The following RBFOX1 variants were observed in gnomAD, a reference collection of about 807,000 sequenced individuals.
RBFOX1 encodes the protein RNA binding protein fox-1 homolog 1.
RBFOX1 carries 8 observed loss-of-function variants against 57.7 expected under a neutral mutation model. The ratio of observed to expected loss-of-function variants is 0.14; its 90% CI spans 0.08 to 0.25. The LOEUF (loss-of-function observed/expected upper bound fraction) is 0.25. RBFOX1 is among the 10% of genes least tolerant of loss of function. RBFOX1 has a pLI of 1.00. For missense variants in RBFOX1, 611 were observed against 548.5 expected (o/e 1.11, Z -1.14); for synonymous variants, 326 against 222.4 (o/e 1.47, Z -4.15).
chr16:5,437,842 G>T (rs1305964403), intron 1 of RBFOX1, among the ~76,000 whole-genome samples: 1 of 152,042 alleles, frequency 6.6e-6, no homozygotes, highest in Non-Finnish European at 1.5e-5. Flanking sequence ...TTAAAAATAT[G>T]AAAAGAACCA....
intron 2 of RBFOX1, among the ~76,000 whole-genome samples, chr16:5,496,766 C>A (rs2043015900): frequency 6.6e-6 from 1 of 152,176 alleles, no homozygotes; most frequent in East Asian, 1.9e-4. Flanking sequence ...TCAGCTGCTT[C>A]ATCCCTGTGT....
At chr16:5,866,643 G>A (rs924862708) in intron 3 of RBFOX1, among the ~76,000 whole-genome samples, 9 of 152,194 alleles carry the variant, frequency 5.9e-5, no homozygotes, top group South Asian at 4.1e-4. Flanking sequence ...GAACATCTAC[G>A]TGACTTTATG....
At chr16:7,458,357 G>A (rs2058933634) in intron 4 of RBFOX1, among the ~76,000 whole-genome samples, 2 of 152,124 alleles carry the variant, frequency 1.3e-5, no homozygotes, top group African/African-American at 2.4e-5. Flanking sequence ...GTGCCCAGAT[G>A]CTCACTTTCC....
chr16:6,258,253 A>C (rs1374106417), intron 1 of RBFOX1, among the ~76,000 whole-genome samples: 1 of 152,186 alleles, frequency 6.6e-6, no homozygotes, highest in Non-Finnish European at 1.5e-5. Context: ...GTGCTCTTGT[A>C]CATATTGCAT....
chr16:6,810,042 C>A (rs1052700514), intron 3 of RBFOX1, among the ~76,000 whole-genome samples: 1 of 102,674 alleles, frequency 9.7e-6, no homozygotes, highest in African/African-American at 3.7e-5. Context: ...TTTTTTTTTT[C>A]TGTTAATAAG....
intron 4 of RBFOX1, among the ~76,000 whole-genome samples, chr16:7,373,557 C>A (rs913765135): frequency 6.6e-6 from 1 of 152,114 alleles, no homozygotes; most frequent in Non-Finnish European, 1.5e-5. Context: ...AAAGAGAGTG[C>A]CCGGGCAAGC....
At chr16:7,107,337 T>C (rs1016007865) in intron 4 of RBFOX1, among the ~76,000 whole-genome samples, 1 of 152,112 alleles carries the variant, frequency 6.6e-6, no homozygotes, top group Non-Finnish European at 1.5e-5. Context: ...TCTCATCTAA[T>C]GCAGCATATT....
At chr16:5,755,999 T>C (rs1287877426) in intron 3 of RBFOX1, among the ~76,000 whole-genome samples, 1 of 152,026 alleles carries the variant, frequency 6.6e-6, no homozygotes, top group Non-Finnish European at 1.5e-5. Context: ...TCAGAGGTCA[T>C]GGTGAAAGTT....
At chr16:6,573,454 G>T (rs1039250732) in intron 2 of RBFOX1, among the ~76,000 whole-genome samples, 5 of 152,148 alleles carry the variant, frequency 3.3e-5, no homozygotes, top group African/African-American at 1.2e-4. Context: ...CATTCACTCA[G>T]ATCATAATCA....
intron 3 of RBFOX1, among the ~76,000 whole-genome samples, chr16:6,892,407 C>T (rs1043063952): frequency 6.6e-6 from 1 of 152,172 alleles, no homozygotes; most frequent in Non-Finnish European, 1.5e-5. Flanking sequence ...TGGTGGCTCA[C>T]ACCTATAATT....
intron 1 of RBFOX1, among the ~76,000 whole-genome samples, chr16:5,340,553 T>A (rs1435375761): frequency 6.6e-6 from 1 of 152,150 alleles, no homozygotes; most frequent in African/African-American, 2.4e-5. Flanking sequence ...AAAGAACACA[T>A]TCATGGAGCA....
chr16:5,752,261 G>T (rs2053235354), intron 3 of RBFOX1, among the ~76,000 whole-genome samples: 1 of 152,106 alleles, frequency 6.6e-6, no homozygotes, highest in African/African-American at 2.4e-5. Context: ...ATACACACTG[G>T]GACCTTTTAG....
intron 4 of RBFOX1, among the ~76,000 whole-genome samples, chr16:7,144,056 G>T (rs970190061): frequency 1.9e-4 from 29 of 152,116 alleles, no homozygotes; most frequent in Admixed American, 2.6e-4. Flanking sequence ...CTGAGTTTCG[G>T]GTTGATGTGT....
intron 1 of RBFOX1, among the ~76,000 whole-genome samples, chr16:5,425,087 A>G (rs1490350693): frequency 7.4e-6 from 1 of 135,038 alleles, no homozygotes; most frequent in African/African-American, 2.9e-5. Flanking sequence ...CTATCTATCT[A>G]TCTATCTATC....
intron 4 of RBFOX1, among the ~76,000 whole-genome samples, chr16:7,259,547 G>A (rs899762460): frequency 2.7e-5 from 4 of 150,754 alleles, no homozygotes; most frequent in South Asian, 2.1e-4. Context: ...GAGATAGTCA[G>A]TATAAATCTC....
At chr16:7,289,554 A>G (rs1568050758) in intron 4 of RBFOX1, among the ~76,000 whole-genome samples, 1 of 152,080 alleles carries the variant, frequency 6.6e-6, no homozygotes, top group Admixed American at 6.5e-5. Context: ...TCAATATGAT[A>G]ATGATGATCA....
At chr16:5,590,650 C>G (rs924706762) in intron 2 of RBFOX1, among the ~76,000 whole-genome samples, 1 of 152,170 alleles carries the variant, frequency 6.6e-6, no homozygotes, top group African/African-American at 2.4e-5. Context: ...ACTGAGGAAC[C>G]ATATGGGTGG....
chr16:6,807,211 G>A (rs1201354078), intron 3 of RBFOX1, among the ~76,000 whole-genome samples: 2 of 152,060 alleles, frequency 1.3e-5, no homozygotes, highest in African/African-American at 4.8e-5. Flanking sequence ...CCAGTTAGGA[G>A]TCTGTTCCAG....
chr16:6,954,293 C>T (rs2081327183), intron 3 of RBFOX1, among the ~76,000 whole-genome samples: 1 of 152,090 alleles, frequency 6.6e-6, no homozygotes, highest in African/African-American at 2.4e-5. Context: ...CCAATTTTGA[C>T]AGTGAGACTT....
Sources: allele counts gnomAD v4.1 joint callset (sites outside exome capture counted in the v4.1 genomes callset), GRCh38; gene constraint gnomAD v4.1.1; transcripts MANE v1.5; gene names NCBI Gene and HGNC (gene_info 2026-07-23, HGNC 2026-07-21).